The following MTOR variants were observed in gnomAD, a reference collection of about 807,000 sequenced individuals.
MTOR encodes the protein serine/threonine-protein kinase mTOR.
In MTOR, 70 loss-of-function variants were observed where a neutral mutation model predicts 319.8. The observed-to-expected ratio is 0.22, with a 90% CI of 0.18 to 0.27. MTOR has a LOEUF of 0.27. Ranked by LOEUF, MTOR falls within the 10% of genes least tolerant of loss-of-function variation. The pLI is 1.00. For synonymous variants in MTOR, 1,183 were observed against 1,211.4 expected (o/e 0.98, Z 0.49); for missense variants, 1,890 against 3,274.4 (o/e 0.58, Z 10.32).
chr1:11,204,826 C>A, intron 25 of MTOR, 123 bp from the exon 26 acceptor site: 1 of 1,127,876 alleles, frequency 8.9e-7, no homozygotes, highest in South Asian at 1.6e-5. Flanking sequence ...CGATAAAATT[C>A]CCCTAGAGTA....
chr1:11,251,655 C>CTTTTTTTTTTTTTT (rs761523542), intron 6 of MTOR, among the ~76,000 whole-genome samples: 6 of 113,718 alleles, frequency 5.3e-5, no homozygotes, highest in African/African-American at 1.9e-4. Flanking sequence ...TAGATAGTTT[C>CTTTTTTTTTTTTTT]TTTTTTTTTT....
intron 6 of MTOR, among the ~76,000 whole-genome samples, chr1:11,251,655 C>CTTTTTTTT (rs761523542): frequency 8.8e-6 from 1 of 113,702 alleles, no homozygotes; most frequent in South Asian, 2.9e-4. Flanking sequence ...TAGATAGTTT[C>CTTTTTTTT]TTTTTTTTTT....
chr1:11,261,953 G>A (rs1432739844), intron 1 of MTOR, among the ~76,000 whole-genome samples: 2 of 152,170 alleles, frequency 1.3e-5, no homozygotes, highest in Non-Finnish European at 2.9e-5. Context: ...AGGGCTTAAG[G>A]AAGTTAAGAT....
chr1:11,153,419 T>A (rs766612870), intron 30 of MTOR, among the ~76,000 whole-genome samples: 1 of 152,200 alleles, frequency 6.6e-6, no homozygotes, highest in African/African-American at 2.4e-5. Context: ...AATGCCAGGC[T>A]GTGATATTTA....
chr1:11,145,074 G>C (rs751909395), intron 32 of MTOR, 29 bp from the exon 33 acceptor site: 2 of 1,604,596 alleles, frequency 1.2e-6, no homozygotes, highest in South Asian at 2.2e-5. Flanking sequence ...TTGGGACTGA[G>C]CTCTGGACTT....
intron 28 of MTOR, among the ~76,000 whole-genome samples, chr1:11,184,973 C>T (rs1645268289): frequency 6.6e-6 from 1 of 152,224 alleles, no homozygotes. Context: ...CGACTACTTA[C>T]ATTCTCCCAC....
At chr1:11,187,921 G>A (rs1447057407) in intron 28 of MTOR, among the ~76,000 whole-genome samples, 1 of 152,126 alleles carries the variant, frequency 6.6e-6, no homozygotes, top group Non-Finnish European at 1.5e-5. Context: ...GGCAAAGGAG[G>A]CTGGGTATGT....
chr1:11,218,289 G>A (rs1285788514), intron 19 of MTOR, among the ~76,000 whole-genome samples: 1 of 152,088 alleles, frequency 6.6e-6, no homozygotes, highest in African/African-American at 2.4e-5. Flanking sequence ...ATTTAGCTGG[G>A]CATGGTGGCA....
At chr1:11,201,749 C>G (rs866630416) in intron 26 of MTOR, among the ~76,000 whole-genome samples, 1 of 151,964 alleles carries the variant, frequency 6.6e-6, no homozygotes, top group African/African-American at 2.4e-5. Flanking sequence ...TTTTGTATTC[C>G]ATTTTATTTA....
chr1:11,113,551 G>A (rs935023361), intron 53 of MTOR, among the ~76,000 whole-genome samples: 2 of 151,880 alleles, frequency 1.3e-5, no homozygotes, highest in South Asian at 4.2e-4. Context: ...GCCAACCCCA[G>A]CTTCCACACA....
At chr1:11,158,255 G>A (rs1644376458) in intron 29 of MTOR, among the ~76,000 whole-genome samples, 1 of 152,132 alleles carries the variant, frequency 6.6e-6, no homozygotes, top group Admixed American at 6.5e-5. Context: ...AGTGAAATTT[G>A]TATGATATAA....
intron 19 of MTOR, among the ~76,000 whole-genome samples, chr1:11,222,755 AT>A (rs1302725823): frequency 5.3e-5 from 8 of 151,854 alleles, no homozygotes; most frequent in East Asian, 1.9e-4. Flanking sequence ...GGAAAAAAAC[AT>A]TTTTTTTAAT....
chr1:11,250,196 C>T (rs1351138240), intron 6 of MTOR, among the ~76,000 whole-genome samples: 3 of 128,156 alleles, frequency 2.3e-5, no homozygotes, highest in Non-Finnish European at 3.5e-5. Context: ...ACCTCCCTCC[C>T]GGACGGGGCG....
chr1:11,111,424 C>G, intron 54 of MTOR: 1 of 197,890 alleles, frequency 5.1e-6, no homozygotes, highest in South Asian at 6.2e-5. Flanking sequence ...GAGGTTGCAG[C>G]GAGCCGAGAC....
chr1:11,149,304 T>G (rs535920000), intron 31 of MTOR: 1 of 152,136 alleles, frequency 6.6e-6, no homozygotes, highest in African/African-American at 2.4e-5. Context: ...CAAGTAATTA[T>G]CGGGTTTGAA....
chr1:11,133,000 C>T, intron 38 of MTOR, 80 bp downstream of exon 38: 1 of 1,237,190 alleles, frequency 8.1e-7, no homozygotes, highest in Admixed American at 1.7e-5. Context: ...TCCGCAGAAG[C>T]TCAGCTGTAA....
rs1642975538 is a variant in MTOR at position 11,128,763 on chromosome 1, T to C, written c.5811+92A>G. On this transcript the variant is annotated intron_variant, in intron 41 of 57. Transcript: ENST00000361445. This position sits in a 1 kb window ranked among gnomAD's most constrained non-coding sequence, Gnocchi z 5.3. ...TCCTTAGCACTGTATTAACACACAC[T>C]GCCTTGTGACACTGAACACAGCATG... 1 of 1,169,088 alleles carries C rather than the reference T, an allele frequency of 8.6e-7. No homozygotes were observed. The highest frequency in any genetic ancestry group is 1.3e-6 in the Non-Finnish European group (1 of 793,072). 72.4% of individuals were successfully genotyped at this position (1,169,088 alleles called of 1,614,324 possible).
rs575297718 is a variant in MTOR at position 11,158,114 on chromosome 1, A to G, written c.4330-823T>C. Among the ~76,000 whole-genome samples, 28 of 152,290 alleles carry G rather than the reference A, an allele frequency of 1.8e-4. 1 individual carries two copies. In the South Asian group the frequency reaches 5.8e-3, roughly 32 times the overall value. On this transcript the variant is annotated intron_variant, in intron 29 of 57. Coordinates refer to ENST00000361445, the MANE Select transcript of MTOR (RefSeq NM_004958.4). ...CCAAATGATCAGGAGACTGTTTTAT[A>G]TGCTTTCTGTCTGCCCTCCATCTCA...
chr1:11,249,432 T>A (rs916861918), intron 6 of MTOR, among the ~76,000 whole-genome samples: 2 of 151,848 alleles, frequency 1.3e-5, no homozygotes, highest in African/African-American at 2.4e-5. Flanking sequence ...TATTTATTTA[T>A]TTTTTATTGA....
Sources: allele counts gnomAD v4.1 joint callset (sites outside exome capture counted in the v4.1 genomes callset), GRCh38; gene constraint gnomAD v4.1.1; non-coding constraint Gnocchi (gnomAD v3.1); transcripts MANE v1.5; gene names NCBI Gene and HGNC (gene_info 2026-07-23, HGNC 2026-07-21).